DOCK2: variants seen among roughly 807,000 people sequenced by gnomAD.
DOCK2 encodes dedicator of cytokinesis 2.
Under a neutral mutation model 248.9 loss-of-function variants are expected in DOCK2, and 87 were observed. The ratio of observed to expected loss-of-function variants is 0.35; its 90% confidence interval spans 0.29 to 0.42. The LOEUF is 0.42. Among genes scored for constraint, DOCK2 ranks in the 10% least tolerant of loss-of-function variants. DOCK2 has a pLI of 1.00. For missense variants in DOCK2, 1,747 were observed against 2,300.2 expected (o/e 0.76, Z 4.92); for synonymous variants, 805 against 821.6 (o/e 0.98, Z 0.35).
At chr5:169,857,916 A>T (rs967837728) in intron 27 of DOCK2, among the ~76,000 whole-genome samples, 5 of 152,170 alleles carry the variant, frequency 3.3e-5, no homozygotes, top group African/African-American at 1.2e-4. Flanking sequence ...TTTATATTTG[A>T]TAAGTGTTAA....
chr5:169,983,352 T>A (rs1277934585), intron 28 of DOCK2, among the ~76,000 whole-genome samples, 186 bp downstream of exon 28: 1 of 152,224 alleles, frequency 6.6e-6, no homozygotes, highest in Non-Finnish European at 1.5e-5. Context: ...ATTCTTAGGT[T>A]TGCATCTAGG....
chr5:170,038,503 C>T (rs1756398253), intron 36 of DOCK2, among the ~76,000 whole-genome samples: 1 of 152,162 alleles, frequency 6.6e-6, no homozygotes, highest in Admixed American at 6.5e-5. Flanking sequence ...CAAAATTTCC[C>T]TTTTCTCCTG....
In DOCK2 at chr5:170,034,483, G is replaced by T; in HGVS notation, c.3552G>T (p.Lys1184Asn). Residue 1184 changes from lysine to asparagine, a missense_variant, in exon 35 of 52, where the codon AAG (lysine) becomes AAT (asparagine). Lys to Asn is a moderately conservative substitution (Grantham distance 94). Transcript: ENST00000520908. ...ACCTGGTCAAAGGCCTCCTGGAGAA[G>T]CTGCTGGATTACCGGGGTGTGATGA... ...FVNLVKGLLE[K>N]LLDYRGVMTD... 6.2e-7 allele frequency: 1 copy of T among 1,614,214 alleles called. No individual in the cohort carries two copies. Among genetic ancestry groups the T allele is most frequent in the South Asian group, 1.1e-5 (1 of 91,080 alleles).
At chr5:170,044,663 A>C (rs1756635957) in intron 38 of DOCK2, among the ~76,000 whole-genome samples, 1 of 152,174 alleles carries the variant, frequency 6.6e-6, no homozygotes, top group East Asian at 1.9e-4. Context: ...CCCAGCACAT[A>C]AAGCATTTTT....
At chr5:169,670,433 T>A in intron 3 of DOCK2, 109 bp from the exon 4 acceptor site, 1 of 1,273,596 alleles carries the variant, frequency 7.9e-7, no homozygotes, top group Non-Finnish European at 1.1e-6. Context: ...CTGGGGATTT[T>A]ATAAGCCAGT....
chr5:169,906,655 A>G (rs1774298469), intron 27 of DOCK2, among the ~76,000 whole-genome samples: 1 of 152,066 alleles, frequency 6.6e-6, no homozygotes, highest in African/African-American at 2.4e-5. Flanking sequence ...TGCTGTGACA[A>G]ATTACCTTGA....
At chr5:169,654,843 C>G (rs938198687) in intron 2 of DOCK2, among the ~76,000 whole-genome samples, 1 of 152,194 alleles carries the variant, frequency 6.6e-6, no homozygotes, top group African/African-American at 2.4e-5. Flanking sequence ...AATCACACCT[C>G]TAATTCCAGG....
intron 30 of DOCK2, among the ~76,000 whole-genome samples, chr5:170,007,211 A>G (rs1047405596): frequency 6.6e-6 from 1 of 152,318 alleles, no homozygotes; most frequent in South Asian, 2.1e-4. Flanking sequence ...GAAGGTTTCA[A>G]TGGCAGTATG....
At chr5:169,932,550 C>T (rs1017236648) in intron 27 of DOCK2, among the ~76,000 whole-genome samples, 6 of 152,130 alleles carry the variant, frequency 3.9e-5, no homozygotes, top group Non-Finnish European at 5.9e-5. Flanking sequence ...ATGCTTTTGC[C>T]GTCAGTTTTG....
rs529492390 is a variant in DOCK2 at position 169,721,884 on chromosome 5, C to T, written c.2267+3093C>T. On this transcript the variant is annotated intron_variant, in intron 22 of 51. Coordinates refer to ENST00000520908, the MANE Select transcript of DOCK2 (RefSeq NM_004946.3). ...AGAAGAGAGTGAGTTCCTTGTCCCT[C>T]GCTTCTTGTGTCACTAGCTCCTGAG... 3.3e-5 allele frequency among the ~76,000 whole-genome samples: 5 copies of T among 152,340 alleles called. No individual in the cohort carries two copies. The South Asian group carries it at 1.0e-3, about 32-fold the overall frequency.
intron 29 of DOCK2, among the ~76,000 whole-genome samples, chr5:169,993,549 TTGTG>T (rs10626609): frequency 4.7e-4 from 71 of 149,480 alleles, no homozygotes; most frequent in African/African-American, 8.9e-4. Context: ...TCACATCCAT[TTGTG>T]TGTGTGTGTG....
intron 29 of DOCK2, among the ~76,000 whole-genome samples, chr5:169,990,790 A>T (rs374484411): frequency 1.6e-4 from 24 of 152,156 alleles, no homozygotes; most frequent in African/African-American, 4.8e-4. Context: ...CCCTTGGTGA[A>T]TCTCACCAGA....
intron 25 of DOCK2, among the ~76,000 whole-genome samples, chr5:169,789,995 T>A (rs1766227471): frequency 1.3e-5 from 2 of 152,202 alleles, no homozygotes; most frequent in Non-Finnish European, 1.5e-5. Context: ...AGGTTTTAAA[T>A]CTGTGGAGCT....
At chr5:170,076,835 A>G (rs902727302) in intron 47 of DOCK2, among the ~76,000 whole-genome samples, 1 of 152,208 alleles carries the variant, frequency 6.6e-6, no homozygotes, top group African/African-American at 2.4e-5. Context: ...AATACTCCCT[A>G]CATGAAGTCC....
chr5:169,883,503 G>C, intron 27 of DOCK2: 1 of 1,551,634 alleles, frequency 6.4e-7, no homozygotes, highest in Non-Finnish European at 8.7e-7. Flanking sequence ...CGTTGACCTG[G>C]ATGGCACTTT....
chr5:169,856,185 C>T (rs1387579081), intron 27 of DOCK2, among the ~76,000 whole-genome samples: 1 of 152,132 alleles, frequency 6.6e-6, no homozygotes, highest in Non-Finnish European at 1.5e-5. Flanking sequence ...GGACACAAAA[C>T]CTAACCATAT....
At chr5:169,916,322 C>T (rs1001785388) in intron 27 of DOCK2, among the ~76,000 whole-genome samples, 2 of 152,222 alleles carry the variant, frequency 1.3e-5, no homozygotes. Flanking sequence ...ATGCATGGAT[C>T]TAAGGAACCA....
At chr5:169,792,402 T>C (rs747989921) in intron 25 of DOCK2, among the ~76,000 whole-genome samples, 1 of 151,256 alleles carries the variant, frequency 6.6e-6, no homozygotes, top group African/African-American at 2.4e-5. Flanking sequence ...TATATGTGTA[T>C]ATATATTTTA....
chr5:169,912,720 C>T (rs576873834), intron 27 of DOCK2, among the ~76,000 whole-genome samples: 1 of 152,114 alleles, frequency 6.6e-6, no homozygotes, highest in Admixed American at 6.5e-5. Context: ...AGTGGTCCAG[C>T]TTATTGTCCA....
Sources: allele counts gnomAD v4.1 joint callset (sites outside exome capture counted in the v4.1 genomes callset), GRCh38; gene constraint gnomAD v4.1.1; transcripts MANE v1.5; gene names NCBI Gene and HGNC (gene_info 2026-07-23, HGNC 2026-07-21).